Variants in KCNIP4 observed in about 807,000 individuals in gnomAD.
KCNIP4 encodes potassium voltage-gated channel interacting protein 4, also known as Kv channel-interacting protein 4.
In KCNIP4, 12 loss-of-function variants were observed where a neutral mutation model predicts 34.0. That is an observed-to-expected ratio of 0.35 (90% CI 0.23 to 0.57). The LOEUF is 0.57. Among genes scored for constraint, KCNIP4 ranks in the 20% least tolerant of loss-of-function variants. KCNIP4 has a pLI of 0.83. For missense variants in KCNIP4, 238 were observed against 311.7 expected (o/e 0.76, Z 1.78); for synonymous variants, 124 against 102.2 (o/e 1.21, Z -1.29).
intron 1 of KCNIP4, among the ~76,000 whole-genome samples, chr4:21,397,414 T>G (rs1723099360): frequency 6.6e-6 from 1 of 152,162 alleles, no homozygotes; most frequent in Non-Finnish European, 1.5e-5. Context: ...AGGGAGAGCA[T>G]CAAGATAAAT....
chr4:21,396,374 G>A (rs1234165624), intron 1 of KCNIP4, among the ~76,000 whole-genome samples: 1 of 151,574 alleles, frequency 6.6e-6, no homozygotes, highest in African/African-American at 2.4e-5. Flanking sequence ...TGGCCAAGAT[G>A]GTGAAACTCT....
At chr4:21,402,060 G>A (rs1723603533) in intron 1 of KCNIP4, among the ~76,000 whole-genome samples, 1 of 152,192 alleles carries the variant, frequency 6.6e-6, no homozygotes. Context: ...GCATTAAAGG[G>A]TCTTTGATGC....
intron 1 of KCNIP4, among the ~76,000 whole-genome samples, chr4:21,482,657 T>TG (rs1484556405): frequency 6.6e-6 from 1 of 152,172 alleles, no homozygotes; most frequent in African/African-American, 2.4e-5. Context: ...TCTTCTGGCT[T>TG]GTAGAGTTTC....
intron 3 of KCNIP4, among the ~76,000 whole-genome samples, chr4:20,819,482 C>T (rs1374007200): frequency 2.0e-5 from 3 of 151,964 alleles, no homozygotes; most frequent in African/African-American, 4.8e-5. Context: ...GGGGGGATTT[C>T]GGAGCTATCT....
intron 1 of KCNIP4, among the ~76,000 whole-genome samples, chr4:21,914,953 CT>C (rs1196161976): frequency 6.6e-6 from 1 of 151,622 alleles, no homozygotes; most frequent in Non-Finnish European, 1.5e-5. Context: ...ATGAAAGGTT[CT>C]TTTTTTTGGA....
intron 1 of KCNIP4, among the ~76,000 whole-genome samples, chr4:21,517,056 G>A (rs918201417): frequency 1.3e-5 from 2 of 152,100 alleles, no homozygotes; most frequent in African/African-American, 4.8e-5. Flanking sequence ...AAACACTCAG[G>A]GGATGTCAGA....
chr4:20,986,293 T>A (rs1261302211), intron 1 of KCNIP4, among the ~76,000 whole-genome samples: 1 of 152,190 alleles, frequency 6.6e-6, no homozygotes, highest in Non-Finnish European at 1.5e-5. Flanking sequence ...TGCTTTTCAT[T>A]TTGAATAACA....
At position 21,006,454 on chromosome 4, in the gene KCNIP4, C is replaced by T. The variant is rs141102938; in HGVS notation, c.62-123745G>A. Reference sequence around the variant, plus strand: ...GCATAAGCCGTAAGATAGAAAGAAACTTGCTTTTGACCAACTGTAAATCAG... The same window carrying T: ...GCATAAGCCGTAAGATAGAAAGAAATTTGCTTTTGACCAACTGTAAATCAG... On this transcript the variant is annotated intron_variant, in intron 1 of 8. Transcript: ENST00000382152. Among the ~76,000 whole-genome samples, 394 of 152,246 alleles carry T rather than the reference C, an allele frequency of 2.6e-3. 2 individuals carry two copies. Among genetic ancestry groups the T allele is most frequent in the Middle Eastern group, 0.017 (5 of 294 alleles).
rs112960843 is a variant in KCNIP4 at position 20,764,046 on chromosome 4, A to G, written c.289-5156T>C. On this transcript the variant is annotated intron_variant, in intron 3 of 8. Coordinates refer to ENST00000382152, the MANE Select transcript of KCNIP4 (RefSeq NM_025221.6). ...AGCAGTAGGGTTCCTGGGTTTAGGG[A>G]TAGTAAGAAATGCCTCACTCATCCA... Among the ~76,000 whole-genome samples the G allele has an allele frequency of 1.1e-3, 172 of 152,148 alleles. 4 individuals are homozygous for G. Among genetic ancestry groups the G allele is most frequent in the Non-Finnish European group, 2.8e-4 (19 of 68,036 alleles).
intron 1 of KCNIP4, among the ~76,000 whole-genome samples, chr4:21,937,962 A>G (rs1298399987): frequency 6.6e-6 from 1 of 152,112 alleles, no homozygotes; most frequent in Non-Finnish European, 1.5e-5. Context: ...AGTAGTTTTC[A>G]TACTGCATCA....
intron 1 of KCNIP4, among the ~76,000 whole-genome samples, chr4:21,362,089 G>A (rs1437736855): frequency 6.6e-6 from 1 of 152,090 alleles, no homozygotes; most frequent in Non-Finnish European, 1.5e-5. Flanking sequence ...AGAAGGCTGG[G>A]ATATGCTCTG....
At chr4:20,732,590 T>G in intron 7 of KCNIP4, 91 bp downstream of exon 7, 2 of 787,144 alleles carry the variant, frequency 2.5e-6, no homozygotes, top group South Asian at 2.9e-5. Context: ...TTATTTTCCT[T>G]TGCTCTCTTT....
intron 1 of KCNIP4, among the ~76,000 whole-genome samples, chr4:21,870,448 C>A (rs2323160): frequency 0.36 from 55,037 of 151,916 alleles, 11,972 homozygotes; most frequent in East Asian, 0.64. Flanking sequence ...CAGTAAAAAA[C>A]ACACCCCTAG....
intron 1 of KCNIP4, among the ~76,000 whole-genome samples, chr4:21,504,475 A>AAAAAAAAAAAAAAAAAAAGAAAGAAAG (rs1264431211): frequency 9.8e-6 from 1 of 101,880 alleles, no homozygotes; most frequent in African/African-American, 3.9e-5. Flanking sequence ...CAAAAAAAAA[A>AAAAAAAAAAAAAAAAAAAGAAAGAAAG]AAAGAAAGAA....
chr4:21,220,363 A>G (rs7679197), intron 1 of KCNIP4, among the ~76,000 whole-genome samples: 77,660 of 151,894 alleles, frequency 0.51, 22,592 homozygotes, highest in African/African-American at 0.81. Context: ...CAGGAATTCT[A>G]TTAGATACCT....
At chr4:20,788,625 C>A (rs1436873127) in intron 3 of KCNIP4, among the ~76,000 whole-genome samples, 1 of 152,158 alleles carries the variant, frequency 6.6e-6, no homozygotes, top group African/African-American at 2.4e-5. Context: ...ATAGTCCATG[C>A]TCTCAGAGAA....
intron 5 of KCNIP4, among the ~76,000 whole-genome samples, chr4:20,742,802 A>G (rs1358014060): frequency 6.6e-6 from 1 of 152,158 alleles, no homozygotes; most frequent in Non-Finnish European, 1.5e-5. Flanking sequence ...ACATGATTGT[A>G]TATTTAGAAA....
chr4:21,391,924 G>C (rs1056396505), intron 1 of KCNIP4, among the ~76,000 whole-genome samples: 5 of 152,202 alleles, frequency 3.3e-5, no homozygotes, highest in Admixed American at 1.3e-4. Context: ...ACACTAGGAA[G>C]CTGAAAGTCT....
At chr4:21,574,254 C>A (rs1271008432) in intron 1 of KCNIP4, among the ~76,000 whole-genome samples, 1 of 152,032 alleles carries the variant, frequency 6.6e-6, no homozygotes, top group Non-Finnish European at 1.5e-5. Flanking sequence ...TTTACAATTT[C>A]ATTTTCATTT....
Sources: gnomAD v4.1 joint callset for allele counts (sites outside exome capture counted in the v4.1 genomes callset) on GRCh38, gnomAD v4.1.1 for gene constraint, MANE v1.5 for transcripts, NCBI Gene and HGNC (gene_info 2026-07-23, HGNC 2026-07-21) for gene names.